Variants in PALD1 observed in about 807,000 individuals in gnomAD.
PALD1 encodes paladin.
A neutral mutation model predicts 96.0 loss-of-function variants in PALD1; 57 were observed. The observed-to-expected ratio is 0.59, with a 90% CI of 0.48 to 0.74. The LOEUF is 0.74. PALD1 is among the 30% of genes least tolerant of loss of function. The probability of loss-of-function intolerance (pLI) is 0.00; values close to 1 mark genes in which losing one functional copy is unlikely to be tolerated. For missense variants in PALD1, 1,063 were observed against 1,143.7 expected (o/e 0.93, Z 1.02); for synonymous variants, 464 against 473.6 (o/e 0.98, Z 0.26).
rs528394996 is a variant in PALD1, at chr10:70,556,066, A to G, written c.2263-8298A>G. ...CCCCAGAGACATGGTTCCAATAAGT[A>G]ATGTGTCTTGGGAGCAGGGCTGGAG... is the stretch of plus-strand genomic sequence containing the variant. On this transcript the variant is annotated intron_variant, in intron 18 of 19. Transcript: ENST00000263563. Among the ~76,000 whole-genome samples, 3 of 152,196 alleles carry G rather than the reference A, an allele frequency of 2.0e-5. No homozygotes were observed. In the South Asian group the frequency reaches 6.2e-4, roughly 32 times the overall value.
rs368916968 is a variant in PALD1 at position 70,538,284 on chromosome 10, C to T, written c.1328C>T (p.Pro443Leu). The change falls in exon 12 of 20, where the codon CCG (proline) becomes CTG (leucine). Residue 443 changes from proline (P) to leucine (L), a missense_variant. Transcript: ENST00000263563. ...LFNYYLHEQY[P>L]LAFALSFSRW... ...TCTCTCTGCCTCGGGCTGCAGTACC[C>T]GCTGGCCTTTGCCCTCAGTTTCAGC... is the stretch of plus-strand genomic sequence containing the variant. The T allele has an allele frequency of 3.7e-5, 59 of 1,601,924 alleles. No homozygotes were observed. Among genetic ancestry groups the T allele is most frequent in the African/African-American group, 5.3e-5 (4 of 74,934 alleles).
At position 70,539,333 on chromosome 10, in the gene PALD1, C is replaced by T. The variant is rs1200968997; in HGVS notation, c.1725+86C>T. The T allele has an allele frequency of 1.1e-5, 15 of 1,350,880 alleles. No individual in the cohort carries two copies. The highest frequency in any genetic ancestry group is 5.5e-5 in the South Asian group (4 of 72,630). 83.7% of individuals were successfully genotyped at this position (1,350,880 alleles called of 1,614,324 possible). ...GGGTCTTCAGAAGGCCTCACACTCC[C>T]GCAGACAGATGGAGAATCTGAGGCC... On this transcript the variant is annotated intron_variant, in intron 14 of 19. Transcript: ENST00000263563. This position sits in a 1 kb window ranked among gnomAD's most constrained non-coding sequence, Gnocchi z 4.5.
At position 70,540,774 on chromosome 10, in the gene PALD1, C is replaced by G. The variant is rs1234099294; in HGVS notation, c.1909-328C>G. On this transcript the variant is annotated intron_variant, in intron 15 of 19. Transcript: ENST00000263563. The surrounding 1 kb of genome is among the most constrained non-coding windows in gnomAD (Gnocchi z 4.2). ...GCAGGGCCAGCAGTCTATGTGCAGC[C>G]CAGGGGCGCAGTACACAGGGGTGAC... Among the ~76,000 whole-genome samples, 3 of 152,092 alleles carry G rather than the reference C, an allele frequency of 2.0e-5. No individual in the cohort carries two copies. Among genetic ancestry groups the G allele is most frequent in the African/African-American group, 7.2e-5 (3 of 41,384 alleles).
rs556091078 is a variant in PALD1 at position 70,540,653 on chromosome 10, G to T, written c.1909-449G>T. ...CTCTTCGCGGCTCTCACTGCCTGCGGTCTGCTGCCTCCTGGTGGCCTTGTG... is the reference window on the plus strand; with the variant it reads ...CTCTTCGCGGCTCTCACTGCCTGCGTTCTGCTGCCTCCTGGTGGCCTTGTG... On this transcript the variant is annotated intron_variant, in intron 15 of 19. Transcript: ENST00000263563. This position sits in a 1 kb window ranked among gnomAD's most constrained non-coding sequence, Gnocchi z 4.2. Among the ~76,000 whole-genome samples, 2 of 152,260 alleles carry T rather than the reference G, an allele frequency of 1.3e-5. No homozygotes were observed. Among genetic ancestry groups the T allele is most frequent in the South Asian group, 4.1e-4 (2 of 4,828 alleles).
chr10:70,534,695 C>T (rs779235823), intron 9 of PALD1, 44 bp from the exon 10 acceptor site: 5 of 1,365,328 alleles, frequency 3.7e-6, no homozygotes, highest in Non-Finnish European at 4.1e-6. Context: ...CCCTGCTCCC[C>T]ACCCCCCCAC....
chr10:70,504,157 A>T (rs1245622596), intron 1 of PALD1, among the ~76,000 whole-genome samples: 1 of 152,064 alleles, frequency 6.6e-6, no homozygotes, highest in Non-Finnish European at 1.5e-5. Flanking sequence ...AAAATTGACG[A>T]CTCTAAGAGC....
At chr10:70,517,160 G>A (rs1846636662) in intron 1 of PALD1, among the ~76,000 whole-genome samples, 1 of 152,160 alleles carries the variant, frequency 6.6e-6, no homozygotes, top group Non-Finnish European at 1.5e-5. Flanking sequence ...TTTCACAGAA[G>A]TGGCAGCAGA....
upstream of PALD1, among the ~76,000 whole-genome samples, chr10:70,477,094 C>T (rs1280192456): frequency 6.6e-6 from 1 of 152,122 alleles, no homozygotes; most frequent in Non-Finnish European, 1.5e-5. Context: ...GTTGCTCCTA[C>T]CTTAGTCCTG....
intron 18 of PALD1, among the ~76,000 whole-genome samples, chr10:70,558,299 A>G (rs12414231): frequency 0.51 from 76,717 of 151,680 alleles, 20,673 homozygotes; most frequent in Middle Eastern, 0.66. Flanking sequence ...CCATGTGACC[A>G]TGGCAGGTCA....
Position 70,531,353 on chromosome 10 carries a change from G to C in PALD1, c.532G>C (p.Val178Leu), listed in dbSNP as rs115135566. 1,216 of 1,613,930 alleles carry C rather than the reference G, an allele frequency of 7.5e-4. 7 individuals carry two copies. In the African/African-American group the frequency reaches 0.015, roughly 19 times the overall value. Residue 178 changes from valine (V) to leucine (L), a missense_variant, in exon 5 of 20, where the codon GTG (valine) becomes CTG (leucine). By Grantham distance (32) the Val-to-Leu change is conservative. Transcript: ENST00000263563. ...TTTCCTGCGTGCAGATGAGGACTTT[G>C]TGTCCTACACACCTCGAGACAAGCA... Reference protein sequence around the residue: ...VLFLRADEDFVSYTPRDKQNL... With the variant: ...VLFLRADEDFLSYTPRDKQNL...
At chr10:70,532,817 G>C (rs1436950326) in intron 6 of PALD1, 36 bp downstream of exon 6, 1 of 1,608,460 alleles carries the variant, frequency 6.2e-7, no homozygotes, top group Non-Finnish European at 8.5e-7. Flanking sequence ...GGCCATGGGT[G>C]CTCCAGGTCC....
intron 12 of PALD1, 81 bp downstream of exon 12, chr10:70,538,489 G>C: frequency 6.9e-7 from 1 of 1,445,292 alleles, no homozygotes; most frequent in South Asian, 1.2e-5. Context: ...CTGTAGGGTT[G>C]GGGTAAGCAT....
intron 19 of PALD1, among the ~76,000 whole-genome samples, chr10:70,566,020 C>T (rs1356679251): frequency 6.6e-6 from 1 of 152,148 alleles, no homozygotes; most frequent in Non-Finnish European, 1.5e-5. Flanking sequence ...GAGGGAGGCC[C>T]CAGAGCGGGA....
intron 18 of PALD1, 101 bp from the exon 19 acceptor site, chr10:70,564,263 T>C: frequency 2.4e-6 from 3 of 1,263,714 alleles, no homozygotes; most frequent in Non-Finnish European, 3.3e-6. Flanking sequence ...GCTCTGAGGC[T>C]GGATCACCCT....
intron 18 of PALD1, among the ~76,000 whole-genome samples, chr10:70,551,466 A>G (rs187550139): frequency 7.8e-4 from 118 of 152,166 alleles, no homozygotes; most frequent in African/African-American, 2.7e-3. Flanking sequence ...CCATCGGCTT[A>G]ATTTGCCCGG....
intron 1 of PALD1, among the ~76,000 whole-genome samples, chr10:70,489,074 G>A (rs1846059684): frequency 6.6e-6 from 1 of 152,170 alleles, no homozygotes; most frequent in Non-Finnish European, 1.5e-5. Flanking sequence ...AGGGCAGTTC[G>A]TTGGGTTGAC....
chr10:70,464,236 A>G, the PALD1 span, among the ~76,000 whole-genome samples: 2 of 142,482 alleles, frequency 1.4e-5, no homozygotes, highest in African/African-American at 2.6e-5. Context: ...TTTGAGACAG[A>G]GTTTCACTCT....
intron 2 of PALD1, among the ~76,000 whole-genome samples, chr10:70,528,344 A>G (rs1265190404): frequency 6.6e-6 from 1 of 152,228 alleles, no homozygotes; most frequent in Non-Finnish European, 1.5e-5. Flanking sequence ...TTTGTTTGAA[A>G]TAGCCCTGTG....
At chr10:70,475,202 A>C (rs903174650), upstream of PALD1, among the ~76,000 whole-genome samples, 1 of 152,198 alleles carries the variant, frequency 6.6e-6, no homozygotes, top group African/African-American at 2.4e-5. Context: ...CTGTGGCTAG[A>C]TCCAAGCCCA....
Sources: gnomAD v4.1 joint callset for allele counts (sites outside exome capture counted in the v4.1 genomes callset) on GRCh38, gnomAD v4.1.1 for gene constraint, Gnocchi (gnomAD v3.1) non-coding constraint, MANE v1.5 for transcripts, NCBI Gene and HGNC (gene_info 2026-07-23, HGNC 2026-07-21) for gene names.